FOXP1: variants seen among roughly 807,000 people sequenced by gnomAD.
The protein encoded by FOXP1 is forkhead box P1, also known as forkhead box protein P1.
A neutral mutation model predicts 98.2 loss-of-function variants in FOXP1; 15 were observed. The observed-to-expected ratio is 0.15, with a 90% CI of 0.10 to 0.24. FOXP1 has a LOEUF of 0.24. Ranked by LOEUF, FOXP1 falls within the 10% of genes least tolerant of loss-of-function variation. The pLI, the probability that FOXP1 is intolerant of heterozygous loss-of-function variation, is 1.00. For synonymous variants in FOXP1, 371 were observed against 314.5 expected, an observed-to-expected ratio of 1.18 and a Z score of -1.90; for missense variants, 633 against 848.5, an observed-to-expected ratio of 0.75 and a Z score of 3.15.
chr3:71,536,679 G>A, intron 2 of FOXP1, among the ~76,000 whole-genome samples: 1 of 151,572 alleles, frequency 6.6e-6, no homozygotes, highest in South Asian at 2.1e-4. Context: ...AAAATGTATG[G>A]GTGTTTGAGC....
intron 2 of FOXP1, among the ~76,000 whole-genome samples, chr3:71,504,675 T>C (rs1254693778): frequency 1.3e-5 from 2 of 152,080 alleles, no homozygotes; most frequent in Non-Finnish European, 2.9e-5. Context: ...GGTTTGGAAA[T>C]GTCTCGAGGC....
At position 71,498,312 on chromosome 3, in the gene FOXP1, CAA is replaced by C. The variant is rs1433722807; in HGVS notation, c.-297-4759_-297-4758del. Among the ~76,000 whole-genome samples, 3 of 152,182 alleles carry C rather than the reference CAA, an allele frequency of 2.0e-5. No homozygotes were observed. In the East Asian group the frequency reaches 5.8e-4, roughly 29 times the overall value. ...TCCCTGAAGCAATCCCTGCTCAGTA[CAA>C]AAGTCTGCAGGGAGCTAGAAAGAGC... On this transcript the variant is annotated intron_variant, in intron 2 of 20. Coordinates refer to ENST00000649528, the MANE Select transcript of FOXP1 (RefSeq NM_001349338.3).
intron 2 of FOXP1, among the ~76,000 whole-genome samples, chr3:71,497,125 C>A (rs1343100798): frequency 6.6e-6 from 1 of 151,540 alleles, no homozygotes; most frequent in Non-Finnish European, 1.5e-5. Context: ...AGATAGATAC[C>A]CAAATAAATT....
intron 5 of FOXP1, among the ~76,000 whole-genome samples, chr3:71,272,589 G>C (rs1339844001): frequency 7.1e-6 from 1 of 140,218 alleles, no homozygotes; most frequent in Non-Finnish European, 1.5e-5. Flanking sequence ...TTCTCACACA[G>C]GTCTCTAGTC....
intron 11 of FOXP1, among the ~76,000 whole-genome samples, chr3:71,033,602 C>CAAAAA (rs35470748): frequency 1.8e-4 from 13 of 70,676 alleles, no homozygotes; most frequent in South Asian, 7.2e-4. Context: ...AGTGAACAGT[C>CAAAAA]AAAAAAAAAA....
chr3:71,148,410 C>A (rs2060421615), intron 6 of FOXP1, among the ~76,000 whole-genome samples: 1 of 152,028 alleles, frequency 6.6e-6, no homozygotes, highest in Non-Finnish European at 1.5e-5. Flanking sequence ...ATAATAACAA[C>A]AACAAAAAGT....
At chr3:71,329,604 A>C (rs1447541725) in intron 4 of FOXP1, among the ~76,000 whole-genome samples, 2 of 139,798 alleles carry the variant, frequency 1.4e-5, no homozygotes, top group African/African-American at 5.0e-5. Context: ...AAAAAAAGAC[A>C]GGATCTTCCC....
intron 7 of FOXP1, among the ~76,000 whole-genome samples, chr3:71,086,367 G>C (rs2055094599): frequency 1.3e-5 from 2 of 152,178 alleles, no homozygotes; most frequent in South Asian, 4.1e-4. Flanking sequence ...TTCATATTAA[G>C]GAAATCTGTG....
At chr3:71,404,187 G>T (rs1033197749) in intron 3 of FOXP1, among the ~76,000 whole-genome samples, 2 of 137,678 alleles carry the variant, frequency 1.5e-5, no homozygotes, top group Non-Finnish European at 1.5e-5. Context: ...GAGTCCAGTG[G>T]CGTGATCTTG....
chr3:70,975,323 G>A (rs1247848104), intron 17 of FOXP1, among the ~76,000 whole-genome samples: 1 of 152,074 alleles, frequency 6.6e-6, no homozygotes, highest in Non-Finnish European at 1.5e-5. Flanking sequence ...ATCTTCCAAG[G>A]CAGGCTGAGG....
At chr3:71,270,374 C>A (rs975392981) in intron 5 of FOXP1, among the ~76,000 whole-genome samples, 4 of 152,132 alleles carry the variant, frequency 2.6e-5, no homozygotes, top group African/African-American at 9.7e-5. Flanking sequence ...CAGACCACAG[C>A]AACACAAGTG....
intron 3 of FOXP1, among the ~76,000 whole-genome samples, chr3:71,451,470 T>C (rs973693983): frequency 6.6e-6 from 1 of 152,126 alleles, no homozygotes; most frequent in Admixed American, 6.6e-5. Context: ...TAAAGAGATC[T>C]GGAATAAAAG....
At chr3:71,382,130 C>T (rs2080225470) in intron 3 of FOXP1, among the ~76,000 whole-genome samples, 1 of 152,036 alleles carries the variant, frequency 6.6e-6, no homozygotes, top group Admixed American at 6.6e-5. Context: ...AATATTTTGG[C>T]TGGGCATGGT....
chr3:71,292,640 G>A (rs1279440080), intron 5 of FOXP1: 1 of 152,054 alleles, frequency 6.6e-6, no homozygotes, highest in Non-Finnish European at 1.5e-5. Context: ...CGGCCTAAAA[G>A]GTAATTTTAA....
At position 71,105,120 on chromosome 3, in the gene FOXP1, T is replaced by A. The variant is rs79635377; in HGVS notation, c.282+7416A>T. ...CAGCTGTATATCACAGAAACCACTA[T>A]GGGTGGTGACAGAGTCCCATGATGC... On this transcript the variant is annotated intron_variant, in intron 7 of 20. Coordinates refer to ENST00000649528, the MANE Select transcript of FOXP1 (RefSeq NM_001349338.3). Among the ~76,000 whole-genome samples the A allele has an allele frequency of 8.6e-4, 131 of 152,346 alleles. 5 individuals are homozygous for A. The East Asian group carries it at 0.025, about 29-fold the overall frequency.
intron 5 of FOXP1, among the ~76,000 whole-genome samples, chr3:71,297,663 T>C (rs183088381): frequency 6.9e-6 from 1 of 145,936 alleles, no homozygotes; most frequent in East Asian, 2.1e-4. Context: ...TCTCCCAGCC[T>C]GCAGAACAGT....
At chr3:71,236,379 T>C (rs946622676) in intron 5 of FOXP1, among the ~76,000 whole-genome samples, 2 of 152,352 alleles carry the variant, frequency 1.3e-5, no homozygotes, top group South Asian at 4.1e-4. Flanking sequence ...CTCTGTAACA[T>C]GCTTTCATTG....
At chr3:71,283,580 G>A (rs2071793473) in intron 5 of FOXP1, among the ~76,000 whole-genome samples, 1 of 152,188 alleles carries the variant, frequency 6.6e-6, no homozygotes, top group Admixed American at 6.5e-5. Context: ...TTTAGCTGCT[G>A]AGGATAACAG....
rs1318668673 is a variant in FOXP1 at position 71,335,769 on chromosome 3, C to T, written c.-73+23381G>A. Reference sequence around the variant, plus strand: ...CTTATAATCTTAGCACTTTGGGAGGCCGAGGCAGGTGGATCACCTGAGTTC... The same window carrying T: ...CTTATAATCTTAGCACTTTGGGAGGTCGAGGCAGGTGGATCACCTGAGTTC... On this transcript the variant is annotated intron_variant, in intron 4 of 20. Coordinates refer to ENST00000649528, the MANE Select transcript of FOXP1 (RefSeq NM_001349338.3). 4.6e-5 allele frequency among the ~76,000 whole-genome samples: 7 copies of T among 151,958 alleles called. No homozygotes were observed. In the East Asian group the frequency reaches 1.2e-3, roughly 25 times the overall value.
Sources: allele counts gnomAD v4.1 joint callset (sites outside exome capture counted in the v4.1 genomes callset), GRCh38; gene constraint gnomAD v4.1.1; transcripts MANE v1.5; gene names NCBI Gene and HGNC (gene_info 2026-07-23, HGNC 2026-07-21).